The following STIM1 variants were observed in gnomAD, a reference collection of about 807,000 sequenced individuals.
STIM1 encodes stromal interaction molecule 1.
A neutral mutation model predicts 74.7 loss-of-function variants in STIM1; 25 were observed. The observed-to-expected ratio is 0.33, with a 90% confidence interval of 0.24 to 0.47. The LOEUF (loss-of-function observed/expected upper bound fraction) is 0.47. STIM1 is among the 20% of genes least tolerant of loss of function. The probability of loss-of-function intolerance (pLI) is 1.00; values close to 1 mark genes in which losing one functional copy is unlikely to be tolerated. For synonymous variants in STIM1, 328 were observed against 348.8 expected, an observed-to-expected ratio of 0.94 and a Z score of 0.66; for missense variants, 728 against 920.8, an observed-to-expected ratio of 0.79 and a Z score of 2.71.
intron 2 of STIM1, among the ~76,000 whole-genome samples, chr11:4,012,515 G>A (rs1390007973): frequency 6.6e-6 from 1 of 152,022 alleles, no homozygotes; most frequent in African/African-American, 2.4e-5. Context: ...TCATGATTTG[G>A]CTCTCTGTTT....
chr11:4,067,136 G>A (rs547136101), intron 5 of STIM1, among the ~76,000 whole-genome samples: 5 of 152,256 alleles, frequency 3.3e-5, no homozygotes, highest in East Asian at 1.9e-4. Flanking sequence ...GTTCGATCTC[G>A]TTAGTAACCA....
intron 1 of STIM1, among the ~76,000 whole-genome samples, chr11:3,914,631 G>A (rs1407721534): frequency 2.0e-5 from 3 of 152,086 alleles, no homozygotes; most frequent in Non-Finnish European, 2.9e-5. Context: ...TAGTGGAGAT[G>A]GGGTTTCACC....
intron 10 of STIM1, 63 bp downstream of exon 10, chr11:4,083,561 G>A: frequency 6.7e-7 from 1 of 1,495,572 alleles, no homozygotes; most frequent in Non-Finnish European, 9.1e-7. Context: ...AGAAGTCTGT[G>A]GCCTCTGTTG....
At chr11:3,859,113 A>T (rs2090500562) in intron 1 of STIM1, among the ~76,000 whole-genome samples, 1 of 152,010 alleles carries the variant, frequency 6.6e-6, no homozygotes, top group South Asian at 2.1e-4. Context: ...AGAGAATTTG[A>T]TTTTTTCTCT....
At chr11:3,882,816 T>A (rs2091565846) in intron 1 of STIM1, among the ~76,000 whole-genome samples, 1 of 152,226 alleles carries the variant, frequency 6.6e-6, no homozygotes, top group Non-Finnish European at 1.5e-5. Flanking sequence ...CAAAGTTTGT[T>A]ATTTTTTTTA....
At chr11:4,084,407 C>T (rs1194214101) in intron 10 of STIM1, among the ~76,000 whole-genome samples, 1 of 152,128 alleles carries the variant, frequency 6.6e-6, no homozygotes, top group Non-Finnish European at 1.5e-5. Context: ...ATACTTTGCC[C>T]CTGGCCAAGC....
rs930699942 is a variant in STIM1 at position 4,091,658 on chromosome 11, C to T, written c.2011C>T (p.Arg671Ter). 8 of 1,614,078 alleles carry T rather than the reference C, an allele frequency of 5.0e-6. No individual in the cohort carries two copies. The highest frequency in any genetic ancestry group is 2.2e-5 in the East Asian group (1 of 44,892). The change falls in exon 13 of 13, where the codon CGA becomes TGA. Residue 671 changes from arginine (R) to a stop codon, truncating the protein, a stop_gained. Coordinates refer to ENST00000526596, the MANE Select transcript of STIM1 (RefSeq NM_001382567.1). LOFTEE classifies it high-confidence loss of function. ...GGACAGCCGAGCCCTGCAAGCCAGC[C>T]GAAACACACGCATTCCCCACCTGGC... ...VGDSRALQAS[R>*]NTRIPHLAGK...
rs375371356 is a variant in STIM1 at position 3,973,470 on chromosome 11, G to A, written c.270+5788G>A. The stretch of plus-strand genomic sequence containing the variant: ...GCTGGAGTGCAGTGGTGTGAACACA[G>A]CTCACTGCAGCTTGGACCTCCGGGG... On this transcript the variant is annotated intron_variant, in intron 2 of 12. Transcript: ENST00000526596. The A allele has an allele frequency of 1.4e-4, 37 of 261,704 alleles. 1 individual carries two copies. The South Asian group carries it at 1.7e-3, about 12-fold the overall frequency. 16.2% of individuals were successfully genotyped at this position (261,704 alleles called of 1,614,324 possible).
chr11:3,878,796 G>A (rs146607508), intron 1 of STIM1, among the ~76,000 whole-genome samples: 92 of 152,272 alleles, frequency 6.0e-4, no homozygotes, highest in Admixed American at 3.7e-3. Flanking sequence ...CATAGCTCAT[G>A]TTAGCTGCAG....
intron 2 of STIM1, among the ~76,000 whole-genome samples, chr11:4,006,006 A>G (rs1349115672): frequency 2.0e-5 from 3 of 152,200 alleles, no homozygotes; most frequent in Admixed American, 1.3e-4. Flanking sequence ...GATCTGGAAC[A>G]TGTGACTTAT....
chr11:3,918,658 C>A (rs73425479), intron 1 of STIM1, among the ~76,000 whole-genome samples: 1 of 152,134 alleles, frequency 6.6e-6, no homozygotes, highest in Non-Finnish European at 1.5e-5. Context: ...AAAGTAATCA[C>A]TGTGGCCAGG....
chr11:4,019,439 T>C (rs2135998589), intron 2 of STIM1, among the ~76,000 whole-genome samples: 1 of 152,262 alleles, frequency 6.6e-6, no homozygotes, highest in South Asian at 2.1e-4. Flanking sequence ...TTTGGGAGGC[T>C]GAGGCAGGAG....
intron 2 of STIM1, among the ~76,000 whole-genome samples, chr11:3,978,975 A>G (rs1254813727): frequency 6.6e-6 from 1 of 152,114 alleles, no homozygotes; most frequent in African/African-American, 2.4e-5. Context: ...AATCTATGCT[A>G]TAGCCACCCC....
intron 1 of STIM1, among the ~76,000 whole-genome samples, chr11:3,961,075 T>C (rs2093280152): frequency 6.6e-6 from 1 of 151,862 alleles, no homozygotes; most frequent in African/African-American, 2.4e-5. Context: ...CAATCACAGC[T>C]CATTGCAGCT....
chr11:3,929,274 T>A (rs759038020), intron 1 of STIM1, among the ~76,000 whole-genome samples: 1 of 152,194 alleles, frequency 6.6e-6, no homozygotes, highest in African/African-American at 2.4e-5. Context: ...GAACTTCTGC[T>A]CTAGATTTGT....
chr11:3,955,112 G>A (rs2093195293), intron 1 of STIM1, among the ~76,000 whole-genome samples: 1 of 152,210 alleles, frequency 6.6e-6, no homozygotes, highest in Non-Finnish European at 1.5e-5. Context: ...AGTAACAGAA[G>A]CTAGGCACAA....
intron 2 of STIM1, among the ~76,000 whole-genome samples, chr11:3,994,383 G>A (rs1260459184): frequency 1.3e-5 from 2 of 151,464 alleles, no homozygotes; most frequent in Non-Finnish European, 2.9e-5. Flanking sequence ...TTTTCTTTAT[G>A]GGTAGATTAA....
chr11:3,991,919 C>T (rs10835454), intron 2 of STIM1, among the ~76,000 whole-genome samples: 33,476 of 128,966 alleles, frequency 0.26, 5,030 homozygotes, highest in South Asian at 0.45. Context: ...CATTGCACTC[C>T]AGCCTGGGCA....
chr11:3,871,857 G>A (rs1269346669), intron 1 of STIM1, among the ~76,000 whole-genome samples: 1 of 152,130 alleles, frequency 6.6e-6, no homozygotes, highest in African/African-American at 2.4e-5. Flanking sequence ...ATCTTACAAG[G>A]TTGATGTGTG....
Sources: gnomAD v4.1 joint callset for allele counts (sites outside exome capture counted in the v4.1 genomes callset) on GRCh38, gnomAD v4.1.1 for gene constraint, MANE v1.5 for transcripts, NCBI Gene and HGNC (gene_info 2026-07-23, HGNC 2026-07-21) for gene names.